The following PARD3 variants were observed in gnomAD, a reference collection of about 807,000 sequenced individuals.
PARD3 encodes par-3 family cell polarity regulator, also known as partitioning defective 3 homolog.
In PARD3, 75 loss-of-function variants were observed where a neutral mutation model predicts 155.4. The observed-to-expected ratio is 0.48, with a 90% CI of 0.40 to 0.58. The LOEUF is 0.58. Among genes scored for constraint, PARD3 ranks in the 20% least tolerant of loss-of-function variants. The pLI is 0.00. For missense variants in PARD3, 1,642 were observed against 1,721.7 expected (o/e 0.95, Z 0.82); for synonymous variants, 576 against 610.5 (o/e 0.94, Z 0.83).
chr10:34,715,022 T>C (rs547136008), intron 1 of PARD3, among the ~76,000 whole-genome samples: 1 of 150,846 alleles, frequency 6.6e-6, no homozygotes, highest in Non-Finnish European at 1.5e-5. Context: ...TACACCCACC[T>C]CAGCCTCCCA....
chr10:34,795,124 C>T (rs898365755), intron 1 of PARD3, among the ~76,000 whole-genome samples: 1 of 152,228 alleles, frequency 6.6e-6, no homozygotes, highest in Admixed American at 6.5e-5. Flanking sequence ...AGCCCTGAGC[C>T]ACAGTACAAG....
At chr10:34,433,667 G>A (rs535302567) in intron 5 of PARD3, among the ~76,000 whole-genome samples, 12 of 152,066 alleles carry the variant, frequency 7.9e-5, no homozygotes, top group Non-Finnish European at 1.6e-4. Context: ...TTAATCTAGA[G>A]GAGATTCTTG....
rs528796174 is a variant in PARD3 at position 34,189,168 on chromosome 10, C to CAAAAAT, written c.3420-57591_3420-57586dup. Among the ~76,000 whole-genome samples, 32 of 151,878 alleles carry CAAAAAT rather than the reference C, an allele frequency of 2.1e-4. 2 individuals are homozygous for CAAAAAT. The South Asian group carries it at 6.5e-3, about 31-fold the overall frequency. Reference sequence around the variant, plus strand: ...GCAACATAGAAAGACCCTGTCTCTACAAAAATAAAAATAAAAATAATAAAT... The same window carrying CAAAAAT: ...GCAACATAGAAAGACCCTGTCTCTACAAAAATAAAAATAAAAATAAAAATAATAAAT... On this transcript the variant is annotated intron_variant, in intron 22 of 24. Transcript: ENST00000374788.
chr10:34,135,934 G>C (rs1048323509), intron 22 of PARD3, among the ~76,000 whole-genome samples: 1 of 152,218 alleles, frequency 6.6e-6, no homozygotes, highest in Non-Finnish European at 1.5e-5. Context: ...GTAGACTACT[G>C]CCATGAAGGG....
At chr10:34,362,246 T>C (rs1246870822) in intron 12 of PARD3, among the ~76,000 whole-genome samples, 1 of 151,934 alleles carries the variant, frequency 6.6e-6, no homozygotes, top group South Asian at 2.1e-4. Context: ...TTGCAGTGAG[T>C]GGAGACCATG....
At chr10:34,636,090 AGGAAGGAAGAC>A (rs1236512606) in intron 2 of PARD3, among the ~76,000 whole-genome samples, 2 of 152,234 alleles carry the variant, frequency 1.3e-5, no homozygotes, top group Non-Finnish European at 2.9e-5. Context: ...AGAAGGAAGA[AGGAAGGAAGAC>A]GGAAGGAAGA....
chr10:34,317,925 T>C (rs1164732072), intron 19 of PARD3, among the ~76,000 whole-genome samples: 1 of 152,204 alleles, frequency 6.6e-6, no homozygotes, highest in Non-Finnish European at 1.5e-5. Flanking sequence ...GTAACTCTTC[T>C]TTGCATAAGG....
chr10:34,563,536 T>C (rs573342867), intron 2 of PARD3, among the ~76,000 whole-genome samples: 100 of 151,200 alleles, frequency 6.6e-4, no homozygotes, highest in African/African-American at 2.4e-3. Context: ...CTGCTAATTT[T>C]TTTTTTTTTT....
intron 1 of PARD3, among the ~76,000 whole-genome samples, chr10:34,791,680 C>A (rs1462232559): frequency 6.6e-6 from 1 of 151,998 alleles, no homozygotes; most frequent in Non-Finnish European, 1.5e-5. Flanking sequence ...ATTCAAAACC[C>A]CATCTCTACA....
At chr10:34,557,872 T>C (rs2085132280) in intron 2 of PARD3, among the ~76,000 whole-genome samples, 1 of 151,414 alleles carries the variant, frequency 6.6e-6, no homozygotes, top group Non-Finnish European at 1.5e-5. Flanking sequence ...AGGTTGAGAC[T>C]TCAATGAGCT....
At position 34,678,560 on chromosome 10, in the gene PARD3, T is replaced by C. The variant is rs756973875; in HGVS notation, c.222+17758A>G. The stretch of plus-strand genomic sequence containing the variant: ...AAACATGTTTTAGTAAGAGATTCCA[T>C]ACGAGTAATAAGGATCTGCTAATAT... On this transcript the variant is annotated intron_variant, in intron 2 of 24. Coordinates refer to ENST00000374788, the MANE Select transcript of PARD3 (RefSeq NM_001184785.2). 6.6e-5 allele frequency among the ~76,000 whole-genome samples: 10 copies of C among 152,220 alleles called. No individual in the cohort carries two copies. In the South Asian group the frequency reaches 1.2e-3, roughly 19 times the overall value.
intron 2 of PARD3, among the ~76,000 whole-genome samples, chr10:34,624,895 G>A (rs1167387064): frequency 2.0e-5 from 3 of 152,182 alleles, no homozygotes; most frequent in Non-Finnish European, 2.9e-5. Flanking sequence ...CTGGGGAACC[G>A]GCTTCTCAGG....
At chr10:34,172,624 G>A (rs1949848492) in intron 22 of PARD3, among the ~76,000 whole-genome samples, 1 of 151,924 alleles carries the variant, frequency 6.6e-6, no homozygotes, top group South Asian at 2.1e-4. Context: ...TGAGTAGCAA[G>A]GACTCAGATC....
intron 21 of PARD3, among the ~76,000 whole-genome samples, chr10:34,282,492 T>A (rs1956206216): frequency 6.6e-6 from 1 of 152,192 alleles, no homozygotes; most frequent in Non-Finnish European, 1.5e-5. Flanking sequence ...AATATTTGAC[T>A]AAGCATCATA....
At chr10:34,422,433 CAAACT>C (rs1157291557) in intron 5 of PARD3, among the ~76,000 whole-genome samples, 1 of 151,822 alleles carries the variant, frequency 6.6e-6, no homozygotes, top group East Asian at 1.9e-4. Context: ...AAGATTGCAT[CAAACT>C]AAACTAAAAA....
At chr10:34,492,772 A>C (rs2080002863) in intron 3 of PARD3, among the ~76,000 whole-genome samples, 1 of 152,212 alleles carries the variant, frequency 6.6e-6, no homozygotes. Flanking sequence ...TAATCTTGTG[A>C]AATCATCTGT....
chr10:34,360,342 T>C, intron 12 of PARD3, 83 bp from the exon 13 acceptor site: 3 of 995,230 alleles, frequency 3.0e-6, no homozygotes, highest in Non-Finnish European at 4.6e-6. Context: ...TAATGAGCAG[T>C]TCCTTAATCA....
intron 14 of PARD3, among the ~76,000 whole-genome samples, chr10:34,355,934 A>C (rs1356579274): frequency 7.7e-6 from 1 of 129,138 alleles, no homozygotes; most frequent in South Asian, 2.2e-4. Flanking sequence ...CAAAAAAAAA[A>C]AAAAAAAAAA....
chr10:34,729,392 G>A (rs762833400), intron 1 of PARD3, among the ~76,000 whole-genome samples: 19 of 151,848 alleles, frequency 1.3e-4, no homozygotes, highest in Non-Finnish European at 2.1e-4. Flanking sequence ...TTAGCCAGGC[G>A]TGGTGGTGGG....
Sources: gnomAD v4.1 joint callset for allele counts (sites outside exome capture counted in the v4.1 genomes callset) on GRCh38, gnomAD v4.1.1 for gene constraint, MANE v1.5 for transcripts, NCBI Gene and HGNC (gene_info 2026-07-23, HGNC 2026-07-21) for gene names.